MARCHF7: variants seen among roughly 807,000 people sequenced by gnomAD.
The protein encoded by MARCHF7 is membrane associated ring-CH-type finger 7.
In MARCHF7, 20 loss-of-function variants were observed where a neutral mutation model predicts 76.5. The ratio of observed to expected loss-of-function variants is 0.26; its 90% CI spans 0.18 to 0.38. The LOEUF is 0.38. MARCHF7 is among the 10% of genes least tolerant of loss of function. The pLI is 1.00. For synonymous variants in MARCHF7, 295 were observed against 293.0 expected, an observed-to-expected ratio of 1.01 and a Z score of -0.07; for missense variants, 797 against 812.9, an observed-to-expected ratio of 0.98 and a Z score of 0.24.
At chr2:159,750,742 T>C (rs1255485410) in intron 7 of MARCHF7, among the ~76,000 whole-genome samples, 1 of 152,160 alleles carries the variant, frequency 6.6e-6, no homozygotes, top group African/African-American at 2.4e-5. Flanking sequence ...TAAATTAGTT[T>C]ATTTGAAATA....
rs150211443 is a variant in MARCHF7, at chr2:159,743,231, A to G, written c.324A>G (p.Gly108=). Residue 108 remains glycine, a synonymous_variant, in exon 5 of 12, where the codon GGA becomes GGG. Coordinates refer to ENST00000409175, the MANE Select transcript of MARCHF7 (RefSeq NM_001282805.2). ...CTACCTCAGCTGGGAGAAATGTTGG[A>G]AATGGTTTAAACACATTATCAGGTA... ...NCTTSAGRNV[G]NGLNTLSDSS... The G allele has an allele frequency of 4.4e-5, 71 of 1,614,110 alleles. 1 individual carries two copies. The East Asian group carries it at 1.5e-3, about 34-fold the overall frequency.
At chr2:159,742,076 CAAATT>C (rs986281124) in intron 4 of MARCHF7, among the ~76,000 whole-genome samples, 20 of 152,102 alleles carry the variant, frequency 1.3e-4, no homozygotes, top group Non-Finnish European at 7.4e-5. Flanking sequence ...GTGAACTTAA[CAAATT>C]AAAGAATTGG....
chr2:159,756,159 GAAC>G (rs1023693275), intron 8 of MARCHF7, among the ~76,000 whole-genome samples: 76 of 152,080 alleles, frequency 5.0e-4, no homozygotes, highest in Admixed American at 1.0e-3. Flanking sequence ...TTACCAAAAT[GAAC>G]AACAACAACT....
chr2:159,753,297 C>T (rs866104921), intron 8 of MARCHF7, among the ~76,000 whole-genome samples: 1 of 151,942 alleles, frequency 6.6e-6, no homozygotes, highest in African/African-American at 2.4e-5. Flanking sequence ...AGAGGCCGGG[C>T]GCGGTGGCTC....
In MARCHF7 at chr2:159,748,894, TAAAAG is replaced by T. The variant is rs1477561557; in HGVS notation, c.1606_1610del (p.Lys536GlufsTer13). On this transcript the variant is annotated frameshift_variant, in exon 7 of 12. Coordinates refer to ENST00000409175, the MANE Select transcript of MARCHF7 (RefSeq NM_001282805.2). LOFTEE classifies it high-confidence loss of function. Reference sequence around the variant, plus strand: ...AGAGATCCAGAAAGATTGCAGAAAATAAAAGAGAGGTAAATTCGAATACCTGTCTT... The same window carrying T: ...AGAGATCCAGAAAGATTGCAGAAAATAGAGGTAAATTCGAATACCTGTCTT... 1.9e-6 allele frequency: 3 copies of T among 1,595,904 alleles called. No individual in the cohort carries two copies. The highest frequency in any genetic ancestry group is 1.4e-5 in the African/African-American group (1 of 73,396).
chr2:159,724,051 G>A (rs920055588), intron 3 of MARCHF7, among the ~76,000 whole-genome samples: 1 of 152,188 alleles, frequency 6.6e-6, no homozygotes, highest in South Asian at 2.1e-4. Context: ...TCTAGGACAC[G>A]CTGTTCATTT....
intron 4 of MARCHF7, chr2:159,734,100 GT>G: frequency 7.7e-7 from 1 of 1,292,360 alleles, no homozygotes; most frequent in Non-Finnish European, 1.0e-6. Context: ...AAATTTACAT[GT>G]TTTTAAAGGA....
At chr2:159,747,714 C>T in intron 6 of MARCHF7, 91 bp from the exon 7 acceptor site, 1 of 1,229,076 alleles carries the variant, frequency 8.1e-7, no homozygotes, top group Non-Finnish European at 1.1e-6. Context: ...AAGTTTGAAT[C>T]CAGTGCTTCG....
In MARCHF7 at chr2:159,745,786, T is replaced by C. The variant is rs1574355210; in HGVS notation, c.363T>C (p.His121=). The C allele has an allele frequency of 2.5e-6, 4 of 1,601,774 alleles. No homozygotes were observed. The highest frequency in any genetic ancestry group is 3.4e-6 in the Non-Finnish European group (4 of 1,176,036). ...LNTLSDSSWR[H]SQVPRSSSMV... ...TATTTTAAGATTCATCTTGGAGGCATAGTCAAGTTCCTAGATCTTCATCAA... is the reference window on the plus strand; with the variant it reads ...TATTTTAAGATTCATCTTGGAGGCACAGTCAAGTTCCTAGATCTTCATCAA... Residue 121 remains histidine, a synonymous_variant, in exon 6 of 12, where the codon CAT becomes CAC. Coordinates refer to ENST00000409175, the MANE Select transcript of MARCHF7 (RefSeq NM_001282805.2).
At chr2:159,726,226 TTTGTTTTGTTTTGTTTTG>T (rs1166723018) in intron 3 of MARCHF7, among the ~76,000 whole-genome samples, 1 of 5,660 alleles carries the variant, frequency 1.8e-4, no homozygotes, top group Non-Finnish European at 3.4e-4. Context: ...CAGGTTTTGT[TTTGTTTTGTTTTGTTTTG>T]TTTTGTTTTG....
intron 3 of MARCHF7, among the ~76,000 whole-genome samples, chr2:159,722,734 A>G (rs1424031065): frequency 3.3e-5 from 5 of 152,240 alleles, no homozygotes; most frequent in Non-Finnish European, 7.3e-5. Flanking sequence ...CTTTTGACCT[A>G]CAACTTACGC....
At position 159,768,603 on chromosome 2, in the gene MARCHF7, C is replaced by A. The variant is rs1412163499; in HGVS notation, c.*1261C>A. On this transcript the variant is annotated 3_prime_UTR_variant, in exon 12 of 12. Coordinates refer to ENST00000409175, the MANE Select transcript of MARCHF7 (RefSeq NM_001282805.2). Reference sequence around the variant, plus strand: ...ACTGTTTGAAATGTTTCCTTTTAAACTGGTGCTCAAAGAAGACATCAGACT... The same window carrying A: ...ACTGTTTGAAATGTTTCCTTTTAAAATGGTGCTCAAAGAAGACATCAGACT... The A allele has an allele frequency of 6.6e-6, 1 of 152,552 alleles. No individual in the cohort carries two copies. The highest frequency in any genetic ancestry group is 1.5e-5 in the Non-Finnish European group (1 of 68,002). The allele number at this position is 152,552 out of a possible 1,614,324, so 9.4% of individuals were successfully genotyped here.
chr2:159,721,598 C>T (rs909348684), intron 3 of MARCHF7, among the ~76,000 whole-genome samples: 1 of 152,150 alleles, frequency 6.6e-6, no homozygotes, highest in Non-Finnish European at 1.5e-5. Context: ...ACCAATCGTA[C>T]GATTTTTGTC....
At chr2:159,747,447 T>G (rs1444169426) in intron 6 of MARCHF7, among the ~76,000 whole-genome samples, 1 of 152,200 alleles carries the variant, frequency 6.6e-6, no homozygotes, top group Non-Finnish European at 1.5e-5. Flanking sequence ...TTGTATTATT[T>G]GGCCTGTTCA....
At chr2:159,740,226 ATAG>A (rs747413972) in intron 4 of MARCHF7, among the ~76,000 whole-genome samples, 9 of 152,126 alleles carry the variant, frequency 5.9e-5, no homozygotes, top group Non-Finnish European at 1.2e-4. Flanking sequence ...GTCTTTCTAT[ATAG>A]TAGTAGATCT....
At chr2:159,734,217 G>A (rs767966569) in intron 4 of MARCHF7, 48 of 771,790 alleles carry the variant, frequency 6.2e-5, no homozygotes, top group Non-Finnish European at 8.4e-5. Context: ...TCTGTTTAGT[G>A]TTTGTTCTGT....
chr2:159,732,399 C>T (rs759626540), intron 4 of MARCHF7, among the ~76,000 whole-genome samples: 2 of 152,012 alleles, frequency 1.3e-5, no homozygotes, highest in African/African-American at 2.4e-5. Flanking sequence ...GTTTTTTAAT[C>T]GCTTTTTTCT....
rs572779707 is a variant in MARCHF7 at position 159,742,928 on chromosome 2, C to T, written c.154-133C>T. ...CTCCAGCTTGGGCAACAGAGCAAGA[C>T]TCAGTCTCAAAAAAAAAAAAGAACT... On this transcript the variant is annotated intron_variant, in intron 4 of 11. Transcript: ENST00000409175. 216 of 772,800 alleles carry T rather than the reference C, an allele frequency of 2.8e-4. No homozygotes were observed. The African/African-American group carries it at 3.9e-3, about 14-fold the overall frequency. 47.9% of individuals were successfully genotyped at this position (772,800 alleles called of 1,614,324 possible).
At chr2:159,749,528 A>G (rs780854092) in intron 7 of MARCHF7, among the ~76,000 whole-genome samples, 55 of 151,730 alleles carry the variant, frequency 3.6e-4, no homozygotes, top group Admixed American at 7.2e-4. Context: ...TTGTATTTTT[A>G]GTAGAGGCAG....
Sources: gnomAD v4.1 joint callset for allele counts (sites outside exome capture counted in the v4.1 genomes callset) on GRCh38, gnomAD v4.1.1 for gene constraint, MANE v1.5 for transcripts, NCBI Gene and HGNC (gene_info 2026-07-23, HGNC 2026-07-21) for gene names.